The following PTPN18 variants were observed in gnomAD, a reference collection of about 807,000 sequenced individuals.
The protein encoded by PTPN18 is tyrosine-protein phosphatase non-receptor type 18.
In PTPN18, 65 loss-of-function variants were observed where a neutral mutation model predicts 65.4. The ratio of observed to expected loss-of-function variants is 0.99; its 90% CI spans 0.81 to 1.22. PTPN18 has a LOEUF of 1.22. Ranked by LOEUF, PTPN18 falls within the 50% of genes most tolerant of loss-of-function variation. The pLI is 0.00. For synonymous variants in PTPN18, 255 were observed against 267.8 expected (o/e 0.95, Z 0.47); for missense variants, 616 against 646.5 (o/e 0.95, Z 0.51).
At chr2:130,372,103 A>C in intron 12 of PTPN18, 154 bp from the exon 13 acceptor site, 2 of 653,132 alleles carry the variant, frequency 3.1e-6, no homozygotes, top group South Asian at 4.0e-5. Context: ...CTAGGGACAC[A>C]GAAGCGAGGC....
At chr2:130,362,179 A>G in intron 5 of PTPN18, 1 of 469,694 alleles carries the variant, frequency 2.1e-6, no homozygotes, top group Non-Finnish European at 4.4e-6. Context: ...CGTATAATCC[A>G]GGCTGGTCTC....
chr2:130,359,246 A>T lies in PTPN18; in HGVS notation c.216A>T (p.Arg72=), dbSNP rs143451662. ...YKDVLPYDQT[R]VILSLLQEEG... is the part of the protein sequence containing the mutation. ...ATCTGCTGACAGATGATCAGACGCG[A>T]GTAATCCTCTCCCTGCTCCAGGAAG... is the stretch of plus-strand genomic sequence containing the variant. Residue 72 remains arginine (R), a synonymous_variant, in exon 3 of 15, where the codon CGA becomes CGT. Coordinates refer to ENST00000175756, the MANE Select transcript of PTPN18 (RefSeq NM_014369.4). The T allele has an allele frequency of 3.0e-5, 48 of 1,613,962 alleles. No individual in the cohort carries two copies. The highest frequency in any genetic ancestry group is 4.0e-5 in the Non-Finnish European group (47 of 1,180,036).
Position 130,370,795 on chromosome 2 carries a change from TC to T in PTPN18, c.834+14del. ...CGTGCAGACAGAGGTGAACCCTGGG[TC>T]TCCTAATCTTCAGGGACAGTGGCCC... On this transcript the variant is annotated intron_variant, in intron 10 of 14. Transcript: ENST00000175756. The T allele has an allele frequency of 6.2e-7, 1 of 1,613,390 alleles. No homozygotes were observed. The highest frequency in any genetic ancestry group is 8.5e-7 in the Non-Finnish European group (1 of 1,179,424).
intron 1 of PTPN18, chr2:130,356,514 C>T (rs1679976306): frequency 1.9e-6 from 1 of 517,884 alleles, no homozygotes; most frequent in Admixed American, 2.4e-5. Context: ...GGGGCGGGCG[C>T]CGCAGGGGAG....
intron 13 of PTPN18, 128 bp downstream of exon 13, chr2:130,372,611 A>T (rs752230167): frequency 2.2e-4 from 269 of 1,216,498 alleles, no homozygotes; most frequent in Non-Finnish European, 2.8e-4. Context: ...CCACGCCCCG[A>T]CGCTGATGTC....
At position 130,372,395 on chromosome 2, in the gene PTPN18, G is replaced by A; in HGVS notation, c.1152G>A (p.Glu384=). Residue 384 remains glutamate (E), a synonymous_variant, in exon 13 of 15, where the codon GAG becomes GAA. Coordinates refer to ENST00000175756, the MANE Select transcript of PTPN18 (RefSeq NM_014369.4). The stretch of plus-strand genomic sequence containing the variant: ...CGGGGACGGGGGCGCGCAGCGCGGA[G>A]GAGGCGCCGCTCTACAGCAAGGTGA... The part of the protein sequence containing the change: ...TGTGTGARSA[E]EAPLYSKVTP... The A allele has an allele frequency of 7.3e-7, 1 of 1,366,128 alleles. No homozygotes were observed. The highest frequency in any genetic ancestry group is 3.1e-5 in the East Asian group (1 of 32,780). 84.6% of individuals were successfully genotyped at this position (1,366,128 alleles called of 1,614,324 possible). A position where few individuals can be genotyped will look rare whatever the true frequency, so the allele number is the denominator to read the frequency against.
intron 5 of PTPN18, among the ~76,000 whole-genome samples, chr2:130,360,679 T>G (rs1013837769): frequency 6.6e-6 from 1 of 152,212 alleles, no homozygotes; most frequent in African/African-American, 2.4e-5. Flanking sequence ...TTGAATAAAT[T>G]ATATGGCCTG....
In PTPN18 at chr2:130,364,036, A is replaced by T. The variant is rs367582813; in HGVS notation, c.414+4390A>T. ...TAAATTATGTGGTAAAATATACATA[A>T]CATAAAATTTGCCAGTTTATAGGTG... On this transcript the variant is annotated intron_variant, in intron 5 of 14. Coordinates refer to ENST00000175756, the MANE Select transcript of PTPN18 (RefSeq NM_014369.4). Among the ~76,000 whole-genome samples the T allele has an allele frequency of 7.9e-5, 12 of 152,058 alleles. No individual in the cohort carries two copies. In the South Asian group the frequency reaches 1.5e-3, roughly 18 times the overall value.
At chr2:130,365,724 T>A (rs1680361412) in intron 5 of PTPN18, among the ~76,000 whole-genome samples, 1 of 152,250 alleles carries the variant, frequency 6.6e-6, no homozygotes, top group Non-Finnish European at 1.5e-5. Flanking sequence ...GTCTCAGATT[T>A]ACTTTGAATG....
At position 130,359,300 on chromosome 2, in the gene PTPN18, C is replaced by T; in HGVS notation, c.270C>T (p.Asn90=). The change falls in exon 3 of 15, where the codon AAC becomes AAT. Residue 90 remains asparagine (N), a synonymous_variant. Transcript: ENST00000175756. The stretch of plus-strand genomic sequence containing the variant: ...GACACAGCGACTACATTAATGGCAA[C>T]TTCATCCGGGTGAGGGTTGGGGTCA... The part of the protein sequence containing the change: ...EEGHSDYING[N]FIRGVDGSLA... The T allele has an allele frequency of 6.2e-7, 1 of 1,614,212 alleles. No homozygotes were observed. Among genetic ancestry groups the T allele is most frequent in the Non-Finnish European group, 8.5e-7 (1 of 1,180,030 alleles).
chr2:130,363,553 C>G (rs534678363), intron 5 of PTPN18, among the ~76,000 whole-genome samples: 1 of 152,338 alleles, frequency 6.6e-6, no homozygotes, highest in African/African-American at 2.4e-5. Flanking sequence ...TGCCTTTATA[C>G]ATTTGCTTAC....
In PTPN18 at chr2:130,373,483, G is replaced by A. The variant is rs944350249; in HGVS notation, c.*259G>A. On this transcript the variant is annotated 3_prime_UTR_variant, in exon 15 of 15. Coordinates refer to ENST00000175756, the MANE Select transcript of PTPN18 (RefSeq NM_014369.4). This position sits in a 1 kb window ranked among gnomAD's most constrained non-coding sequence, Gnocchi z 4.1. ...AAGATCAGGAAGGGGCATGACCCCT[G>A]AGTTATGAAGGGGAGAAGGGACAGA... 2.7e-6 allele frequency: 1 copy of A among 373,862 alleles called. No homozygotes were observed. Among genetic ancestry groups the A allele is most frequent in the Admixed American group, 4.4e-5 (1 of 22,794 alleles). 23.2% of individuals were successfully genotyped at this position (373,862 alleles called of 1,614,324 possible).
intron 11 of PTPN18, 52 bp from the exon 12 acceptor site, chr2:130,371,147 G>A: frequency 6.7e-7 from 1 of 1,499,660 alleles, no homozygotes; most frequent in East Asian, 2.3e-5. Context: ...AGCCCCTTGA[G>A]AGGCCTGGCC....
At position 130,372,375 on chromosome 2, in the gene PTPN18, A is replaced by ACGGGGG. The variant is rs760757567; in HGVS notation, c.1135_1140dup (p.Gly379_Ala380dup). On this transcript the variant is annotated inframe_insertion, in exon 13 of 15. Transcript: ENST00000175756. ...GACGCAGACGGGGACGGGGACGGGGACGGGGGCGCGCAGCGCGGAGGAGGC... is the reference window on the plus strand; with the variant it reads ...GACGCAGACGGGGACGGGGACGGGGACGGGGGCGGGGGCGCGCAGCGCGGAGGAGGC... 7.6e-6 allele frequency: 10 copies of ACGGGGG among 1,314,168 alleles called. No homozygotes were observed. The highest frequency in any genetic ancestry group is 9.7e-6 in the Non-Finnish European group (10 of 1,030,424). 81.4% of individuals were successfully genotyped at this position (1,314,168 alleles called of 1,614,324 possible).
At chr2:130,366,033 T>G (rs1345320080) in intron 5 of PTPN18, among the ~76,000 whole-genome samples, 1 of 152,218 alleles carries the variant, frequency 6.6e-6, no homozygotes, top group African/African-American at 2.4e-5. Flanking sequence ...TTTCCAAGAT[T>G]GTTTTGGCTA....
chr2:130,359,759 T>C, intron 5 of PTPN18, 113 bp downstream of exon 5: 4 of 1,288,984 alleles, frequency 3.1e-6, no homozygotes, highest in Non-Finnish European at 3.3e-6. Flanking sequence ...AGTGACCTTA[T>C]TGTAGCTCTG....
rs1553458553 is a variant in PTPN18, at chr2:130,361,557, T to TCTTTC, written c.414+1912_414+1916dup. On this transcript the variant is annotated intron_variant, in intron 5 of 14. Transcript: ENST00000175756. ...TTCTTTCTTTCTTTCTTTCTTTCTT[T>TCTTTC]CTTTCTTTCCTTTCTTTCCTTTCTT... Among the ~76,000 whole-genome samples the TCTTTC allele has an allele frequency of 2.6e-3, 201 of 78,466 alleles. 3 individuals carry two copies. In the East Asian group the frequency reaches 0.033, roughly 13 times the overall value. 51.5% of individuals were successfully genotyped at this position (78,466 alleles called of 152,430 possible). A position where few individuals can be genotyped will look rare whatever the true frequency, so the allele number is the denominator to read the frequency against.
In PTPN18 at chr2:130,373,037, G is replaced by A. The variant is rs928944722; in HGVS notation, c.1315+90G>A. ...TTGATGGGGCATGGAGCTTAGTCCT[G>A]TGGATGTGGCTGCAGTGAACCAGGA... On this transcript the variant is annotated intron_variant, in intron 14 of 14. Coordinates refer to ENST00000175756, the MANE Select transcript of PTPN18 (RefSeq NM_014369.4). The surrounding 1 kb of genome is among the most constrained non-coding windows in gnomAD (Gnocchi z 4.1). The A allele has an allele frequency of 8.9e-6, 14 of 1,570,234 alleles. No homozygotes were observed. In the African/African-American group the frequency reaches 1.6e-4, roughly 18 times the overall value.
chr2:130,360,507 TTCTC>T lies in PTPN18; in HGVS notation c.414+873_414+876del, dbSNP rs147272525. The stretch of plus-strand genomic sequence containing the variant: ...TCATTCCTGATTTTGGTAATTTGTG[TTCTC>T]TCTCTCTCTCTGTCTCATCTCTCTA... On this transcript the variant is annotated intron_variant, in intron 5 of 14. Coordinates refer to ENST00000175756, the MANE Select transcript of PTPN18 (RefSeq NM_014369.4). 1.3e-4 allele frequency among the ~76,000 whole-genome samples: 19 copies of T among 151,340 alleles called. No individual in the cohort carries two copies. The East Asian group carries it at 3.1e-3, about 25-fold the overall frequency.
Sources: gnomAD v4.1 joint callset for allele counts (sites outside exome capture counted in the v4.1 genomes callset) on GRCh38, gnomAD v4.1.1 for gene constraint, Gnocchi (gnomAD v3.1) non-coding constraint, MANE v1.5 for transcripts, NCBI Gene and HGNC (gene_info 2026-07-23, HGNC 2026-07-21) for gene names.